The following TUFT1 variants were observed in gnomAD, a reference collection of about 807,000 sequenced individuals.
TUFT1 encodes the protein tuftelin.
Under a neutral mutation model 57.8 loss-of-function variants are expected in TUFT1, and 43 were observed. That is an observed-to-expected ratio of 0.74 (90% confidence interval 0.58 to 0.96). The LOEUF is 0.96. Among genes scored for constraint, TUFT1 ranks in the 40% least tolerant of loss-of-function variants. TUFT1 has a pLI of 0.00. For synonymous variants in TUFT1, 166 were observed against 176.7 expected (o/e 0.94, Z 0.48); for missense variants, 459 against 489.0 (o/e 0.94, Z 0.58).
rs866246738 is a variant in TUFT1, at chr1:151,563,968, G to A, written c.302G>A (p.Ser101Asn). ...GAGAAGAATATTAACCAGCTGAAGA[G>A]TGAGGTCCAGTACATCCAGGAGGTG... is the stretch of plus-strand genomic sequence containing the variant. ...IHEKNINQLK[S>N]EVQYIQEARN... is the part of the protein sequence containing the mutation. Residue 101 changes from serine (S) to asparagine (N), a missense_variant, in exon 4 of 13, where the codon AGT (serine) becomes AAT (asparagine). Ser to Asn is a conservative substitution (Grantham distance 46). Transcript: ENST00000368849. The A allele has an allele frequency of 5.0e-6, 8 of 1,614,092 alleles. No individual in the cohort carries two copies. The Admixed American group carries it at 6.7e-5, about 13-fold the overall frequency.
chr1:151,579,592 G>A, intron 10 of TUFT1, 57 bp from the exon 11 acceptor site: 1 of 1,582,340 alleles, frequency 6.3e-7, no homozygotes. Flanking sequence ...GTGAAGTCTG[G>A]TGAGTGTGTA....
intron 7 of TUFT1, among the ~76,000 whole-genome samples, chr1:151,573,995 C>A (rs1013569438): frequency 1.3e-5 from 2 of 152,070 alleles, no homozygotes; most frequent in African/African-American, 2.4e-5. Flanking sequence ...GAAGGAGTCA[C>A]CTATCTGAAA....
intron 7 of TUFT1, among the ~76,000 whole-genome samples, chr1:151,573,341 G>T (rs1193636047): frequency 6.6e-6 from 1 of 152,310 alleles, no homozygotes; most frequent in African/African-American, 2.4e-5. Context: ...CTGGAAGAAG[G>T]GGCATCTAAG....
At position 151,562,166 on chromosome 1, in the gene TUFT1, G is replaced by A. The variant is rs1665918044; in HGVS notation, c.135+1G>A. ...TGAACTTGAACACATAGCCCAGAAG[G>A]TACTGCGGAATTCTGGTGGGCAAGG... On this transcript the variant is annotated splice_donor_variant, in intron 2 of 12. Transcript: ENST00000368849. LOFTEE classifies it high-confidence loss of function. The A allele has an allele frequency of 6.2e-7, 1 of 1,613,498 alleles. No homozygotes were observed. Among genetic ancestry groups the A allele is most frequent in the Non-Finnish European group, 8.5e-7 (1 of 1,179,536 alleles).
intron 8 of TUFT1, 70 bp downstream of exon 8, chr1:151,574,468 C>T (rs1158999485): frequency 1.1e-5 from 17 of 1,583,234 alleles, no homozygotes; most frequent in African/African-American, 2.7e-5. Flanking sequence ...TGGATCGAAA[C>T]GGTTGCCGAG....
intron 1 of TUFT1, among the ~76,000 whole-genome samples, chr1:151,552,213 A>G (rs764446969): frequency 6.6e-5 from 10 of 152,220 alleles, no homozygotes; most frequent in Non-Finnish European, 1.0e-4. Context: ...ACAAAGTTCC[A>G]TTGTATGAAT....
At chr1:151,548,292 T>C (rs895925589) in intron 1 of TUFT1, among the ~76,000 whole-genome samples, 5 of 147,318 alleles carry the variant, frequency 3.4e-5, no homozygotes, top group African/African-American at 4.9e-5. Context: ...CTTTTCTTTT[T>C]TCTTTTTCTT....
In TUFT1 at chr1:151,578,704, C is replaced by A. The variant is rs761174113; in HGVS notation, c.819-17C>A. On this transcript the variant is annotated splice_polypyrimidine_tract_variant and intron_variant, in intron 9 of 12. Coordinates refer to ENST00000368849, the MANE Select transcript of TUFT1 (RefSeq NM_020127.3). ...GATCTTGTTCCATTGCCTCAGCCTT[C>A]TGGTCTTTATCCCCAGGGCTGCTAC... 20 of 1,546,044 alleles carry A rather than the reference C, an allele frequency of 1.3e-5. No homozygotes were observed. The African/African-American group carries it at 2.7e-4, about 21-fold the overall frequency.
intron 6 of TUFT1, among the ~76,000 whole-genome samples, chr1:151,568,291 G>T (rs527806344): frequency 6.6e-6 from 1 of 152,018 alleles, no homozygotes; most frequent in South Asian, 2.1e-4. Context: ...TTCAATATAT[G>T]GCTTTAAATA....
rs559411486 is a variant in TUFT1, at chr1:151,555,241, A to T, written c.61-6850A>T. Reference sequence around the variant, plus strand: ...CTACTCAGGAGGCTGAGGTAGGAGGATTGCTTGAACTGGGGAGTCAGAGGG... The same window carrying T: ...CTACTCAGGAGGCTGAGGTAGGAGGTTTGCTTGAACTGGGGAGTCAGAGGG... On this transcript the variant is annotated intron_variant, in intron 1 of 12. Transcript: ENST00000368849. Among the ~76,000 whole-genome samples the T allele has an allele frequency of 4.0e-5, 6 of 150,086 alleles. No individual in the cohort carries two copies. The East Asian group carries it at 1.2e-3, about 30-fold the overall frequency.
At chr1:151,579,876 G>T in intron 11 of TUFT1, 144 bp downstream of exon 11, 1 of 770,578 alleles carries the variant, frequency 1.3e-6, no homozygotes, top group Non-Finnish European at 2.1e-6. Flanking sequence ...TTGACTTTCA[G>T]TTCAGCTGAA....
At chr1:151,575,812 GAC>G (rs1258624526) in intron 9 of TUFT1, among the ~76,000 whole-genome samples, 3 of 152,196 alleles carry the variant, frequency 2.0e-5, no homozygotes, top group Admixed American at 2.0e-4. Context: ...AAGATGAACA[GAC>G]ACAATTCTTG....
At chr1:151,575,064 A>T (rs983664196) in intron 9 of TUFT1, 59 bp downstream of exon 9, 6 of 1,457,272 alleles carry the variant, frequency 4.1e-6, no homozygotes, top group Non-Finnish European at 2.8e-6. Flanking sequence ...AGGGCAGGCC[A>T]TACAGCCTGT....
intron 1 of TUFT1, chr1:151,557,401 A>G: frequency 1.2e-6 from 1 of 840,410 alleles, no homozygotes; most frequent in East Asian, 2.6e-5. Context: ...TAGAAAACCT[A>G]AGAGGGGCTT....
At chr1:151,566,955 C>T (rs1666104059) in intron 6 of TUFT1, among the ~76,000 whole-genome samples, 1 of 152,140 alleles carries the variant, frequency 6.6e-6, no homozygotes, top group Admixed American at 6.5e-5. Flanking sequence ...GAGTCTCACC[C>T]TGTCACCCAG....
intron 11 of TUFT1, among the ~76,000 whole-genome samples, chr1:151,580,444 C>T (rs772926917): frequency 2.0e-5 from 3 of 151,830 alleles, no homozygotes; most frequent in East Asian, 1.9e-4. Flanking sequence ...TAGGATTGCT[C>T]GAGGCCAGGA....
intron 7 of TUFT1, among the ~76,000 whole-genome samples, chr1:151,570,776 T>A (rs1443737678): frequency 1.3e-5 from 2 of 152,178 alleles, no homozygotes; most frequent in Non-Finnish European, 2.9e-5. Context: ...GGCATGATCT[T>A]GGCTCAATGC....
intron 1 of TUFT1, among the ~76,000 whole-genome samples, chr1:151,542,884 T>G (rs1665211533): frequency 6.6e-6 from 1 of 152,198 alleles, no homozygotes; most frequent in Non-Finnish European, 1.5e-5. Context: ...TTTATGGCTC[T>G]GGACAACCCC....
chr1:151,578,039 AAAG>A (rs1666532583), intron 9 of TUFT1, among the ~76,000 whole-genome samples: 1 of 152,032 alleles, frequency 6.6e-6, no homozygotes, highest in Non-Finnish European at 1.5e-5. Flanking sequence ...AAAAAAAAAA[AAAG>A]AAAAGGTCGG....
Sources: gnomAD v4.1 joint callset for allele counts (sites outside exome capture counted in the v4.1 genomes callset) on GRCh38, gnomAD v4.1.1 for gene constraint, MANE v1.5 for transcripts, NCBI Gene and HGNC (gene_info 2026-07-23, HGNC 2026-07-21) for gene names.